RGS6: variants seen among roughly 807,000 people sequenced by gnomAD.
RGS6 encodes the protein regulator of G-protein signaling 6.
RGS6 carries 30 observed loss-of-function variants against 78.5 expected under a neutral mutation model. The observed-to-expected ratio is 0.38, with a 90% CI of 0.29 to 0.52. RGS6 has a LOEUF of 0.52. Among genes scored for constraint, RGS6 ranks in the 20% least tolerant of loss-of-function variants. The probability of loss-of-function intolerance (pLI) is 0.85; values close to 1 mark genes in which losing one functional copy is unlikely to be tolerated. For synonymous variants in RGS6, 206 were observed against 206.0 expected, an observed-to-expected ratio of 1.00 and a Z score of 0.00; for missense variants, 495 against 609.7, an observed-to-expected ratio of 0.81 and a Z score of 1.98.
chr14:72,190,487 A>G (rs1439517847), intron 2 of RGS6, among the ~76,000 whole-genome samples: 1 of 152,200 alleles, frequency 6.6e-6, no homozygotes, highest in African/African-American at 2.4e-5. Flanking sequence ...TGGGACAGGA[A>G]GAGGCCCATT....
intron 2 of RGS6, among the ~76,000 whole-genome samples, chr14:72,216,289 C>G (rs1052198245): frequency 6.6e-6 from 1 of 152,158 alleles, no homozygotes; most frequent in African/African-American, 2.4e-5. Flanking sequence ...GCCAACCTTG[C>G]TGGATGTTGT....
intron 3 of RGS6, among the ~76,000 whole-genome samples, chr14:72,360,116 A>T (rs1596257469): frequency 6.6e-6 from 1 of 152,136 alleles, no homozygotes; most frequent in Non-Finnish European, 1.5e-5. Context: ...ATGTAGGAGA[A>T]TGGGAAAACT....
intron 2 of RGS6, among the ~76,000 whole-genome samples, chr14:72,317,020 A>C (rs967709713): frequency 2.0e-5 from 3 of 151,846 alleles, no homozygotes; most frequent in Non-Finnish European, 4.4e-5. Flanking sequence ...TTGGTAACTG[A>C]TCACTTACAG....
chr14:71,967,238 C>T (rs1268260234), intron 2 of RGS6, among the ~76,000 whole-genome samples: 1 of 148,348 alleles, frequency 6.7e-6, no homozygotes, highest in Non-Finnish European at 1.5e-5. Flanking sequence ...ATATTAATTA[C>T]CATAAAAGGG....
chr14:72,237,838 G>A (rs1404652170), intron 2 of RGS6, among the ~76,000 whole-genome samples: 1 of 152,104 alleles, frequency 6.6e-6, no homozygotes. Flanking sequence ...GGTTGTCTGC[G>A]ACCTCTGGAG....
intron 2 of RGS6, among the ~76,000 whole-genome samples, chr14:72,142,268 T>C (rs1012212066): frequency 6.6e-6 from 1 of 152,058 alleles, no homozygotes. Flanking sequence ...TGTATTCTTA[T>C]ACCACATTTA....
chr14:72,598,783 C>T, the RGS6 span, among the ~76,000 whole-genome samples: 1 of 152,188 alleles, frequency 6.6e-6, no homozygotes, highest in African/African-American at 2.4e-5. Flanking sequence ...GGAGAGCCAC[C>T]ACCCTTCTAG....
chr14:72,177,076 G>A (rs1224537021), intron 2 of RGS6, among the ~76,000 whole-genome samples: 1 of 151,880 alleles, frequency 6.6e-6, no homozygotes, highest in Non-Finnish European at 1.5e-5. Flanking sequence ...TTTTTTTAAT[G>A]CTGTGTATAA....
At chr14:72,555,249 C>CACAA (rs1279945967) in intron 17 of RGS6, among the ~76,000 whole-genome samples, 1 of 152,182 alleles carries the variant, frequency 6.6e-6, no homozygotes, top group Non-Finnish European at 1.5e-5. Flanking sequence ...AACACAGGGC[C>CACAA]ACAAACAGAA....
At chr14:71,886,396 T>C in the RGS6 span, among the ~76,000 whole-genome samples, 1 of 152,192 alleles carries the variant, frequency 6.6e-6, no homozygotes, top group Non-Finnish European at 1.5e-5. Context: ...CAGTAGGCAA[T>C]CAATTAATAT....
intron 2 of RGS6, among the ~76,000 whole-genome samples, chr14:72,351,202 T>C (rs2079051671): frequency 6.6e-6 from 1 of 152,192 alleles, no homozygotes; most frequent in South Asian, 2.1e-4. Flanking sequence ...CTAAACATTA[T>C]TTTCTCCCCT....
intron 2 of RGS6, among the ~76,000 whole-genome samples, chr14:72,257,400 G>T (rs1454230959): frequency 6.6e-6 from 1 of 152,140 alleles, no homozygotes; most frequent in Non-Finnish European, 1.5e-5. Flanking sequence ...GTATCCTGAA[G>T]CTTCATTGCA....
At chr14:72,298,416 ATT>A (rs1247260007) in intron 2 of RGS6, among the ~76,000 whole-genome samples, 1 of 118,144 alleles carries the variant, frequency 8.5e-6, no homozygotes, top group Non-Finnish European at 1.8e-5. Context: ...AATGAGAGAT[ATT>A]GTCATTAATG....
At chr14:72,538,429 G>A (rs183722202) in intron 16 of RGS6, among the ~76,000 whole-genome samples, 2 of 152,194 alleles carry the variant, frequency 1.3e-5, no homozygotes, top group Non-Finnish European at 2.9e-5. Context: ...GTTCTCAGGG[G>A]GTAGGTGAGC....
At chr14:72,007,425 C>G (rs987222364) in intron 2 of RGS6, among the ~76,000 whole-genome samples, 14 of 152,294 alleles carry the variant, frequency 9.2e-5, no homozygotes, top group African/African-American at 3.4e-4. Context: ...TCTCAGAATA[C>G]TGTTTAGTCA....
chr14:72,203,601 G>A (rs191446701), intron 2 of RGS6, among the ~76,000 whole-genome samples: 6 of 152,238 alleles, frequency 3.9e-5, no homozygotes, highest in Non-Finnish European at 7.3e-5. Context: ...ATGGCTGTTG[G>A]CTAGAGACAT....
chr14:72,359,303 C>T (rs1296576892), intron 3 of RGS6, among the ~76,000 whole-genome samples: 1 of 151,220 alleles, frequency 6.6e-6, no homozygotes, highest in Non-Finnish European at 1.5e-5. Context: ...ATGATCCACA[C>T]TTTTTGGCTT....
intron 4 of RGS6, among the ~76,000 whole-genome samples, chr14:72,457,492 T>G (rs1450309931): frequency 6.6e-6 from 1 of 151,992 alleles, no homozygotes; most frequent in Non-Finnish European, 1.5e-5. Context: ...TGAGACAGGG[T>G]CTCGCTGTGT....
At chr14:72,408,051 CA>C (rs35160172) in intron 3 of RGS6, among the ~76,000 whole-genome samples, 1 of 152,250 alleles carries the variant, frequency 6.6e-6, no homozygotes, top group Non-Finnish European at 1.5e-5. Context: ...GATATGCTCC[CA>C]AAAAAGTTGT....
Sources: allele counts gnomAD v4.1 joint callset (sites outside exome capture counted in the v4.1 genomes callset), GRCh38; gene constraint gnomAD v4.1.1; transcripts MANE v1.5; gene names NCBI Gene and HGNC (gene_info 2026-07-23, HGNC 2026-07-21).